Variants in GEMIN2 observed in about 807,000 individuals in gnomAD.
GEMIN2 encodes gem-associated protein 2.
A neutral mutation model predicts 45.8 loss-of-function variants in GEMIN2; 37 were observed. That is an observed-to-expected ratio of 0.81 (90% CI 0.62 to 1.06). The LOEUF (loss-of-function observed/expected upper bound fraction) is 1.06. GEMIN2 is among the 50% of genes least tolerant of loss of function. The pLI is 0.00. For synonymous variants in GEMIN2, 101 were observed against 111.5 expected (o/e 0.91, Z 0.60); for missense variants, 335 against 321.8 (o/e 1.04, Z -0.31).
intron 2 of GEMIN2, among the ~76,000 whole-genome samples, chr14:39,116,283 G>T (rs1355048286): frequency 6.6e-6 from 1 of 152,058 alleles, no homozygotes; most frequent in Non-Finnish European, 1.5e-5. Flanking sequence ...TGATCTGCCT[G>T]CCTCTGCCTC....
chr14:39,125,143 C>G, intron 6 of GEMIN2, 107 bp downstream of exon 6: 5 of 643,578 alleles, frequency 7.8e-6, no homozygotes, highest in Non-Finnish European at 8.4e-6. Context: ...AAGACTTTGT[C>G]CTAAGCTCTT....
intron 7 of GEMIN2, among the ~76,000 whole-genome samples, chr14:39,129,920 T>C (rs186430978): frequency 1.7e-3 from 247 of 149,084 alleles, no homozygotes; most frequent in African/African-American, 5.7e-3. Context: ...CCTTATCTCA[T>C]TGCAGACAAG....
chr14:39,128,931 G>A (rs1049438697), intron 7 of GEMIN2, among the ~76,000 whole-genome samples: 8 of 152,080 alleles, frequency 5.3e-5, no homozygotes, highest in African/African-American at 1.9e-4. Context: ...GAGCCACTGA[G>A]CCCGGCTCCT....
Position 39,133,689 on chromosome 14 carries a change from C to A in GEMIN2, c.740C>A (p.Ala247Asp). ...AGCAAAGATGATGAGAGGGTTCCTG[C>A]TTTGAATTTATTAATCTGCTTGGTT... ...VDSKDDERVP[A>D]LNLLICLVSR... The change falls in exon 9 of 10, where the codon GCT becomes GAT. Residue 247 changes from alanine to aspartate, a missense_variant. Transcript: ENST00000308317. The A allele has an allele frequency of 1.3e-6, 2 of 1,510,492 alleles. No homozygotes were observed. Among genetic ancestry groups the A allele is most frequent in the Non-Finnish European group, 8.9e-7 (1 of 1,117,470 alleles). The allele number at this position is 1,510,492 out of a possible 1,614,324, so 93.6% of individuals were successfully genotyped here. A position where few individuals can be genotyped will look rare whatever the true frequency, so the allele number is the denominator to read the frequency against.
At chr14:39,114,538 G>T in intron 1 of GEMIN2, 63 bp downstream of exon 1, 1 of 1,220,026 alleles carries the variant, frequency 8.2e-7, no homozygotes, top group South Asian at 1.3e-5. Flanking sequence ...TACAGCCCTC[G>T]GTGCTCTATT....
chr14:39,118,520 T>G lies in GEMIN2; in HGVS notation c.313-20T>G. The stretch of plus-strand genomic sequence containing the variant: ...ATTTTTTGAAGAGTACCATCTAATG[T>G]CTAAGTTTTCTTCCTTTAGAATGTG... On this transcript the variant is annotated intron_variant, in intron 3 of 9. Transcript: ENST00000308317. 1 of 1,200,206 alleles carries G rather than the reference T, an allele frequency of 8.3e-7. No individual in the cohort carries two copies. The highest frequency in any genetic ancestry group is 1.2e-6 in the Non-Finnish European group (1 of 803,338). The allele number at this position is 1,200,206 out of a possible 1,614,324, so 74.3% of individuals were successfully genotyped here.
chr14:39,122,101 C>G (rs891501680), intron 4 of GEMIN2: 5 of 211,028 alleles, frequency 2.4e-5, no homozygotes, highest in African/African-American at 4.7e-5. Flanking sequence ...GGTCTTTCCT[C>G]TGTGTGTGGG....
At chr14:39,136,411 AC>A in intron 9 of GEMIN2, 28 bp from the exon 10 acceptor site, 1 of 1,115,204 alleles carries the variant, frequency 9.0e-7, no homozygotes, top group Non-Finnish European at 1.4e-6. Context: ...ATATCTTTAT[AC>A]ATAAATTTTT....
At chr14:39,121,984 G>T (rs1360035288) in intron 4 of GEMIN2, 1 of 175,598 alleles carries the variant, frequency 5.7e-6, no homozygotes, top group Non-Finnish European at 1.2e-5. Context: ...GCCTCCCAAA[G>T]TGCTGGGATT....
At chr14:39,125,576 A>G (rs900243294) in intron 6 of GEMIN2, among the ~76,000 whole-genome samples, 11 of 152,128 alleles carry the variant, frequency 7.2e-5, no homozygotes, top group Non-Finnish European at 1.5e-4. Context: ...AAGTGCTGGA[A>G]TTACAGGCAT....
At chr14:39,117,962 TA>T (rs1366960428) in intron 2 of GEMIN2, 36 bp from the exon 3 acceptor site, 1 of 1,068,202 alleles carries the variant, frequency 9.4e-7, no homozygotes, top group Non-Finnish European at 1.4e-6. Flanking sequence ...GTTTTGACAC[TA>T]ATGTTGATCC....
In GEMIN2 at chr14:39,136,487, G is replaced by A; in HGVS notation, c.*8G>A. The A allele has an allele frequency of 6.3e-7, 1 of 1,597,626 alleles. No homozygotes were observed. ...GCTGATGAGCCATCTTGATGTAGCT[G>A]ATCTCTCAGGGATAGAAGATATTTC... On this transcript the variant is annotated 3_prime_UTR_variant, in exon 10 of 10. Coordinates refer to ENST00000308317, the MANE Select transcript of GEMIN2 (RefSeq NM_003616.3).
intron 7 of GEMIN2, among the ~76,000 whole-genome samples, chr14:39,130,224 T>C (rs2052699273): frequency 6.6e-6 from 1 of 152,060 alleles, no homozygotes; most frequent in Non-Finnish European, 1.5e-5. Context: ...AAAAGAAACC[T>C]GGATTTGAAT....
intron 9 of GEMIN2, 71 bp from the exon 10 acceptor site, chr14:39,136,369 G>A: frequency 1.2e-6 from 1 of 808,722 alleles, no homozygotes. Context: ...GTTGCTTATG[G>A]TCTTTGGCTA....
rs1172671276 is a variant in GEMIN2, at chr14:39,136,778, C to CT, written c.*306dup. ...CATAGGTTCTTGGTGCTGTTTTGTT[C>CT]TTTTTTTGTTTTTTGTTGTTTTGTT... On this transcript the variant is annotated 3_prime_UTR_variant, in exon 10 of 10. Coordinates refer to ENST00000308317, the MANE Select transcript of GEMIN2 (RefSeq NM_003616.3). 1 of 268,654 alleles carries CT rather than the reference C, an allele frequency of 3.7e-6. No homozygotes were observed. The highest frequency in any genetic ancestry group is 6.9e-6 in the Non-Finnish European group (1 of 145,066). The allele number at this position is 268,654 out of a possible 1,614,324, so 16.6% of individuals were successfully genotyped here.
intron 7 of GEMIN2, among the ~76,000 whole-genome samples, chr14:39,131,020 G>A (rs769069911): frequency 4.6e-5 from 7 of 152,002 alleles, no homozygotes; most frequent in South Asian, 2.1e-4. Context: ...TTGTACAGCC[G>A]GGCATGGTGG....
Position 39,136,548 on chromosome 14 carries a change from C to T in GEMIN2, c.*69C>T. ...AGCCTAACTCTGAGGAAAACAATGC[C>T]AATTCAAGTACAGATTTCAACACAT... On this transcript the variant is annotated 3_prime_UTR_variant, in exon 10 of 10. Transcript: ENST00000308317. 1.7e-6 allele frequency: 2 copies of T among 1,211,022 alleles called. No individual in the cohort carries two copies. The highest frequency in any genetic ancestry group is 2.5e-5 in the South Asian group (2 of 80,898). 75.0% of individuals were successfully genotyped at this position (1,211,022 alleles called of 1,614,324 possible). A position where few individuals can be genotyped will look rare whatever the true frequency, so the allele number is the denominator to read the frequency against.
In GEMIN2 at chr14:39,128,485, C is replaced by CTTTTTTTTTTTTTTTTTTTTT. The variant is rs71130820; in HGVS notation, c.600+140_600+160dup. The CTTTTTTTTTTTTTTTTTTTTT allele has an allele frequency of 1.1e-3, 161 of 148,444 alleles. 2 individuals carry two copies. Among genetic ancestry groups the CTTTTTTTTTTTTTTTTTTTTT allele is most frequent in the African/African-American group, 3.0e-3 (56 of 18,644 alleles). 9.2% of individuals were successfully genotyped at this position (148,444 alleles called of 1,614,324 possible). A position where few individuals can be genotyped will look rare whatever the true frequency, so the allele number is the denominator to read the frequency against. ...ACTGCACATTTTCTTTTTTTCTTTT[C>CTTTTTTTTTTTTTTTTTTTTT]TTTTTTTTTTTTTTTTTTTTTTTGA... On this transcript the variant is annotated intron_variant, in intron 7 of 9. Transcript: ENST00000308317.
Position 39,114,552 on chromosome 14 carries a change from G to T in GEMIN2, c.137+77G>T, listed in dbSNP as rs574757458. ...GTACAGCCCTCGGTGCTCTATTCCCGTTCCAGTCTGTTGCGAGTTCAGGTC... is the reference window on the plus strand; with the variant it reads ...GTACAGCCCTCGGTGCTCTATTCCCTTTCCAGTCTGTTGCGAGTTCAGGTC... On this transcript the variant is annotated intron_variant, in intron 1 of 9. Transcript: ENST00000308317. The T allele has an allele frequency of 1.6e-4, 170 of 1,068,434 alleles. No homozygotes were observed. In the South Asian group the frequency reaches 2.2e-3, roughly 14 times the overall value. 66.2% of individuals were successfully genotyped at this position (1,068,434 alleles called of 1,614,324 possible). A position where few individuals can be genotyped will look rare whatever the true frequency, so the allele number is the denominator to read the frequency against.
Sources: allele counts gnomAD v4.1 joint callset (sites outside exome capture counted in the v4.1 genomes callset), GRCh38; gene constraint gnomAD v4.1.1; transcripts MANE v1.5; gene names NCBI Gene and HGNC (gene_info 2026-07-23, HGNC 2026-07-21).